The following PLXNA4 variants were observed in gnomAD, a reference collection of about 807,000 sequenced individuals.
The protein encoded by PLXNA4 is plexin-A4.
In PLXNA4, 44 loss-of-function variants were observed where a neutral mutation model predicts 191.8. The observed-to-expected ratio is 0.23, with a 90% CI of 0.18 to 0.29. The LOEUF is 0.29. PLXNA4 is among the 10% of genes least tolerant of loss of function. The pLI, the probability that PLXNA4 is intolerant of heterozygous loss-of-function variation, is 1.00. For synonymous variants in PLXNA4, 1,082 were observed against 1,009.5 expected, an observed-to-expected ratio of 1.07 and a Z score of -1.36; for missense variants, 1,800 against 2,488.8, an observed-to-expected ratio of 0.72 and a Z score of 5.89.
chr7:132,444,842 A>G (rs1795835917), intron 3 of PLXNA4, among the ~76,000 whole-genome samples: 1 of 151,340 alleles, frequency 6.6e-6, no homozygotes, highest in Non-Finnish European at 1.5e-5. Context: ...ACTGAAAACC[A>G]GCACTGTCAG....
chr7:132,332,245 T>C (rs1024585555), intron 3 of PLXNA4, among the ~76,000 whole-genome samples: 10 of 152,182 alleles, frequency 6.6e-5, no homozygotes, highest in Admixed American at 3.9e-4. Context: ...ATCATTTCAG[T>C]TGAAACTTTG....
chr7:132,451,981 A>G (rs1448282066), intron 3 of PLXNA4, among the ~76,000 whole-genome samples: 2 of 152,170 alleles, frequency 1.3e-5, no homozygotes, highest in African/African-American at 2.4e-5. Flanking sequence ...TCAGACACCA[A>G]AATATTACAT....
chr7:132,376,657 C>T (rs1804668335), intron 3 of PLXNA4, among the ~76,000 whole-genome samples: 1 of 152,214 alleles, frequency 6.6e-6, no homozygotes, highest in African/African-American at 2.4e-5. Context: ...AGAAGGCCTT[C>T]CCAGGCCTCC....
chr7:132,523,032 G>T (rs184351650), intron 1 of PLXNA4, among the ~76,000 whole-genome samples: 1 of 152,042 alleles, frequency 6.6e-6, no homozygotes, highest in Admixed American at 6.5e-5. Flanking sequence ...AAACTAACCA[G>T]CAGGCAGGGA....
At position 132,517,978 on chromosome 7, in the gene PLXNA4, T is replaced by C. The variant is rs113656073; in HGVS notation, c.-86-9199A>G. 9.0e-3 allele frequency among the ~76,000 whole-genome samples: 1,368 copies of C among 152,348 alleles called. 12 individuals carry two copies. Among genetic ancestry groups the C allele is most frequent in the Admixed American group, 0.011 (168 of 15,304 alleles). On this transcript the variant is annotated intron_variant, in intron 1 of 31. Transcript: ENST00000321063. ...AACATAGCGTCTTCAGTAAGGTCAG[T>C]ATTTTTTCATGTCTGTATTTTTTTT...
chr7:132,320,335 G>C (rs922357112), intron 3 of PLXNA4, among the ~76,000 whole-genome samples: 3 of 152,164 alleles, frequency 2.0e-5, no homozygotes, highest in Admixed American at 6.5e-5. Flanking sequence ...GCTTGTGGCA[G>C]CATCACTCCA....
chr7:132,169,024 G>A (rs1389087880), intron 21 of PLXNA4, among the ~76,000 whole-genome samples: 1 of 152,192 alleles, frequency 6.6e-6, no homozygotes, highest in East Asian at 1.9e-4. Flanking sequence ...AGCCCTAGGG[G>A]TGCTGTTGAT....
At chr7:132,380,447 G>A (rs919203182) in intron 3 of PLXNA4, among the ~76,000 whole-genome samples, 7 of 149,460 alleles carry the variant, frequency 4.7e-5, no homozygotes, top group Non-Finnish European at 8.9e-5. Context: ...CAGAGAACCC[G>A]CCCAGACAGA....
intron 25 of PLXNA4, among the ~76,000 whole-genome samples, chr7:132,151,577 A>G (rs1416358368): frequency 3.0e-5 from 1 of 33,622 alleles, no homozygotes; most frequent in Non-Finnish European, 7.6e-5. Flanking sequence ...GAGGAGGAGA[A>G]AGGAGGAGGA....
At chr7:132,638,816 T>C (rs1803660406) in intron 2 of PLXNA4, among the ~76,000 whole-genome samples, 2 of 152,176 alleles carry the variant, frequency 1.3e-5, no homozygotes, top group African/African-American at 2.4e-5. Context: ...GAGCAAGACA[T>C]GCTCTGGTGT....
At chr7:132,476,068 C>T (rs73442800) in intron 3 of PLXNA4, among the ~76,000 whole-genome samples, 4,668 of 152,204 alleles carry the variant, frequency 0.031, 144 homozygotes, top group African/African-American at 0.079. Flanking sequence ...CCTCCCTGTG[C>T]GTGGGTGAAC....
Position 132,489,319 on chromosome 7 carries a change from C to A in PLXNA4, c.1344G>T (p.Val448=). The change falls in exon 3 of 32, where the codon GTG becomes GTT. Residue 448 remains valine, a synonymous_variant. Transcript: ENST00000321063. Reference sequence around the variant, plus strand: ...TCTTCAGCTTGCCACTTTTGGTGCCCACAAAGGCCAGAGAGTGGTTCTTGT... The same window carrying A: ...TCTTCAGCTTGCCACTTTTGGTGCCAACAAAGGCCAGAGAGTGGTTCTTGT... The part of the protein sequence containing the change: ...YVYKNHSLAF[V]GTKSGKLKKI... 2 of 1,588,348 alleles carry A rather than the reference C, an allele frequency of 1.3e-6. No individual in the cohort carries two copies. The highest frequency in any genetic ancestry group is 1.3e-5 in the African/African-American group (1 of 74,638).
chr7:132,489,533 T>C (rs1797697904), intron 2 of PLXNA4, 59 bp from the exon 3 acceptor site: 1 of 1,385,816 alleles, frequency 7.2e-7, no homozygotes, highest in Non-Finnish European at 9.8e-7. Context: ...GGCAGAGATA[T>C]TAAGTCAGGA....
intron 3 of PLXNA4, among the ~76,000 whole-genome samples, chr7:132,390,493 C>A (rs1465227132): frequency 6.6e-6 from 1 of 152,086 alleles, no homozygotes; most frequent in Non-Finnish European, 1.5e-5. Context: ...TGCAGCAAAC[C>A]ACCATGGCAC....
rs561987013 is a variant in PLXNA4, at chr7:132,557,347, T to C, written c.-87+19075A>G. Among the ~76,000 whole-genome samples, 126 of 152,192 alleles carry C rather than the reference T, an allele frequency of 8.3e-4. 1 individual carries two copies. The highest frequency in any genetic ancestry group is 1.4e-3 in the Non-Finnish European group (96 of 68,008). ...CCCATCCCCTGCAAAGGCTCCCAACTTGCCAGCACAGCCAGGATGTTTGGC... is the reference window on the plus strand; with the variant it reads ...CCCATCCCCTGCAAAGGCTCCCAACCTGCCAGCACAGCCAGGATGTTTGGC... On this transcript the variant is annotated intron_variant, in intron 1 of 31. Transcript: ENST00000321063.
At chr7:132,171,258 T>G in intron 21 of PLXNA4, among the ~76,000 whole-genome samples, 1 of 152,262 alleles carries the variant, frequency 6.6e-6, no homozygotes, top group East Asian at 1.9e-4. Flanking sequence ...CAATGAGGCC[T>G]TCTAATGATC....
intron 3 of PLXNA4, among the ~76,000 whole-genome samples, chr7:132,311,146 T>G (rs1036609221): frequency 1.4e-5 from 2 of 142,732 alleles, no homozygotes; most frequent in African/African-American, 5.3e-5. Context: ...TCCTGGGCTA[T>G]CTAGGATAAT....
rs535170984 is a variant in PLXNA4 at position 132,290,212 on chromosome 7, C to G, written c.1503+7879G>C. Reference sequence around the variant, plus strand: ...TAAAAGATGGCTTTGGTCCAAACATCGCTGAAACAGATCCCCAAAGCAGAA... The same window carrying G: ...TAAAAGATGGCTTTGGTCCAAACATGGCTGAAACAGATCCCCAAAGCAGAA... On this transcript the variant is annotated intron_variant, in intron 4 of 31. Coordinates refer to ENST00000321063, the MANE Select transcript of PLXNA4 (RefSeq NM_020911.2). Among the ~76,000 whole-genome samples the G allele has an allele frequency of 4.6e-5, 7 of 152,352 alleles. No individual in the cohort carries two copies. In the South Asian group the frequency reaches 1.4e-3, roughly 32 times the overall value.
chr7:132,329,239 ATC>A (rs1377837259), intron 3 of PLXNA4, among the ~76,000 whole-genome samples: 1 of 152,172 alleles, frequency 6.6e-6, no homozygotes, highest in African/African-American at 2.4e-5. Context: ...TGTAGGTGGA[ATC>A]TGTCTCTTGA....
Sources: gnomAD v4.1 joint callset for allele counts (sites outside exome capture counted in the v4.1 genomes callset) on GRCh38, gnomAD v4.1.1 for gene constraint, MANE v1.5 for transcripts, NCBI Gene and HGNC (gene_info 2026-07-23, HGNC 2026-07-21) for gene names.